UBE3D: variants seen among roughly 807,000 people sequenced by gnomAD.
The protein encoded by UBE3D is ubiquitin protein ligase E3D, also known as E3 ubiquitin-protein ligase E3D.
In UBE3D, 48 loss-of-function variants were observed where a neutral mutation model predicts 49.6. That is an observed-to-expected ratio of 0.97 (90% CI 0.77 to 1.23). The LOEUF (loss-of-function observed/expected upper bound fraction) is 1.23, where lower values mean the gene tolerates loss of function less well. UBE3D is among the 50% of genes most tolerant of loss of function. The probability of loss-of-function intolerance (pLI) is 0.00; values close to 1 mark genes in which losing one functional copy is unlikely to be tolerated. For synonymous variants in UBE3D, 189 were observed against 174.2 expected (o/e 1.08, Z -0.67); for missense variants, 452 against 468.4 (o/e 0.96, Z 0.32).
At chr6:83,045,101 C>T (rs544097090) in intron 3 of UBE3D, among the ~76,000 whole-genome samples, 63 of 152,216 alleles carry the variant, frequency 4.1e-4, no homozygotes, top group Non-Finnish European at 7.8e-4. Flanking sequence ...TTGAGTTTTT[C>T]ATTATCAATA....
chr6:83,021,445 A>G (rs1057005259), intron 7 of UBE3D, among the ~76,000 whole-genome samples: 3 of 152,094 alleles, frequency 2.0e-5, no homozygotes, highest in African/African-American at 7.2e-5. Context: ...TTGTCTCAAA[A>G]AAACAAAAAA....
At chr6:82,893,467 T>C (rs1771084999) in intron 9 of UBE3D, among the ~76,000 whole-genome samples, 1 of 152,208 alleles carries the variant, frequency 6.6e-6, no homozygotes, top group South Asian at 2.1e-4. Context: ...CTTTCACTTA[T>C]ATTGGTTGGT....
At chr6:82,944,141 A>G (rs1775228766) in intron 9 of UBE3D, among the ~76,000 whole-genome samples, 1 of 151,800 alleles carries the variant, frequency 6.6e-6, no homozygotes, top group African/African-American at 2.4e-5. Context: ...GGGGCAGCTA[A>G]GGGAGTGCTT....
At chr6:82,916,410 TACA>T (rs1158971434) in intron 9 of UBE3D, among the ~76,000 whole-genome samples, 16 of 152,236 alleles carry the variant, frequency 1.1e-4, no homozygotes, top group Admixed American at 9.8e-4. Flanking sequence ...CTACTATTAC[TACA>T]GCAGCTGTAA....
At chr6:82,967,985 A>G (rs1777073189) in intron 8 of UBE3D, among the ~76,000 whole-genome samples, 1 of 152,096 alleles carries the variant, frequency 6.6e-6, no homozygotes, top group African/African-American at 2.4e-5. Flanking sequence ...ATGGAATATA[A>G]TCACAGTTGT....
intron 9 of UBE3D, among the ~76,000 whole-genome samples, chr6:82,900,312 T>C (rs1771637668): frequency 6.6e-6 from 1 of 152,144 alleles, no homozygotes; most frequent in South Asian, 2.1e-4. Context: ...TTTTAATATA[T>C]CATATTTAAA....
At chr6:83,022,608 TCTAA>T (rs1781184624) in intron 6 of UBE3D, 47 bp from the exon 7 acceptor site, 1 of 1,406,702 alleles carries the variant, frequency 7.1e-7, no homozygotes, top group African/African-American at 1.5e-5. Context: ...TCATAATAAC[TCTAA>T]CTGGCAAGAT....
chr6:83,022,464 C>T lies in UBE3D; in HGVS notation c.835G>A (p.Val279Met), dbSNP rs1781168960. 6.3e-7 allele frequency: 1 copy of T among 1,595,896 alleles called. No homozygotes were observed. The highest frequency in any genetic ancestry group is 8.5e-7 in the Non-Finnish European group (1 of 1,172,936). Residue 279 changes from valine to methionine, a missense_variant, in exon 7 of 10, where the codon GTG becomes ATG. Val to Met is a conservative substitution (Grantham distance 21). Coordinates refer to ENST00000369747, the MANE Select transcript of UBE3D (RefSeq NM_198920.3). ...AAATAATTTCTTACCAAGATATACA[C>T]TTTGTCATCCTGACCTTGAATCGTG... ...RFTIQGQDDK[V>M]YILLWLLNSD...
At chr6:83,009,782 G>GATTGACT (rs1780218862) in intron 8 of UBE3D, among the ~76,000 whole-genome samples, 1 of 148,062 alleles carries the variant, frequency 6.8e-6, no homozygotes, top group African/African-American at 2.5e-5. Flanking sequence ...GATATTCACA[G>GATTGACT]ATTGACTATA....
At chr6:83,050,985 T>A (rs1043963210) in intron 3 of UBE3D, among the ~76,000 whole-genome samples, 3 of 152,188 alleles carry the variant, frequency 2.0e-5, no homozygotes, top group Admixed American at 6.5e-5. Context: ...CCTCGGCACC[T>A]GCAGAGTATG....
chr6:82,989,714 G>A (rs1344386062), intron 8 of UBE3D, among the ~76,000 whole-genome samples: 1 of 152,212 alleles, frequency 6.6e-6, no homozygotes, highest in Admixed American at 6.5e-5. Context: ...CTTTGAAAGG[G>A]AACTGTCCCA....
chr6:82,991,477 T>C (rs755682068), intron 8 of UBE3D, among the ~76,000 whole-genome samples: 25 of 152,188 alleles, frequency 1.6e-4, no homozygotes, highest in Non-Finnish European at 2.9e-4. Flanking sequence ...AGTAGTTTTT[T>C]ATAACAATTT....
At chr6:83,039,208 T>TAAC (rs1782474864) in intron 4 of UBE3D, among the ~76,000 whole-genome samples, 1 of 152,302 alleles carries the variant, frequency 6.6e-6, no homozygotes, top group East Asian at 1.9e-4. Flanking sequence ...AGATATACTG[T>TAAC]AACAAGGCAG....
At chr6:82,999,499 C>T (rs1409299912) in intron 8 of UBE3D, among the ~76,000 whole-genome samples, 1 of 152,176 alleles carries the variant, frequency 6.6e-6, no homozygotes, top group Non-Finnish European at 1.5e-5. Context: ...GTTCTCCTGT[C>T]TTAGCCTCCC....
intron 9 of UBE3D, among the ~76,000 whole-genome samples, chr6:82,938,029 TTATC>T (rs1774721099): frequency 1.3e-5 from 2 of 152,112 alleles, no homozygotes; most frequent in South Asian, 2.1e-4. Flanking sequence ...TAATCTGACT[TTATC>T]TATATTTTTC....
chr6:82,911,223 A>AAAAAAAT (rs1772496649), intron 9 of UBE3D, among the ~76,000 whole-genome samples: 6 of 149,356 alleles, frequency 4.0e-5, no homozygotes, highest in Non-Finnish European at 7.4e-5. Flanking sequence ...AAAAAAAAAA[A>AAAAAAAT]CTCAGGGGGG....
At chr6:82,937,333 C>CAAAAT (rs375532519) in intron 9 of UBE3D, among the ~76,000 whole-genome samples, 1 of 129,614 alleles carries the variant, frequency 7.7e-6, no homozygotes. Flanking sequence ...CAAAACAAAA[C>CAAAAT]AAACAAACAA....
intron 9 of UBE3D, among the ~76,000 whole-genome samples, chr6:82,943,099 G>C (rs917955838): frequency 6.6e-6 from 1 of 152,244 alleles, no homozygotes; most frequent in African/African-American, 2.4e-5. Flanking sequence ...AGTCAAAGGA[G>C]ATCAGTTTTG....
chr6:82,997,611 T>C (rs1016231927), intron 8 of UBE3D, among the ~76,000 whole-genome samples: 3 of 151,808 alleles, frequency 2.0e-5, no homozygotes, highest in Non-Finnish European at 4.4e-5. Context: ...CCCAGCTACT[T>C]GGGAGGCTGA....
Sources: gnomAD v4.1 joint callset for allele counts (sites outside exome capture counted in the v4.1 genomes callset) on GRCh38, gnomAD v4.1.1 for gene constraint, MANE v1.5 for transcripts, NCBI Gene and HGNC (gene_info 2026-07-23, HGNC 2026-07-21) for gene names.